Variants in ZNF100 observed in about 807,000 individuals in gnomAD.
ZNF100 encodes zinc finger protein 100.
In ZNF100, 12 loss-of-function variants were observed where a neutral mutation model predicts 15.8. That is an observed-to-expected ratio of 0.76 (90% CI 0.49 to 1.23). ZNF100 has a LOEUF of 1.23. Ranked by LOEUF, ZNF100 falls within the 50% of genes most tolerant of loss-of-function variation. The pLI, the probability that ZNF100 is intolerant of heterozygous loss-of-function variation, is 0.00. For synonymous variants in ZNF100, 226 were observed against 214.8 expected (o/e 1.05, Z -0.45); for missense variants, 670 against 635.6 (o/e 1.05, Z -0.58).
intron 2 of ZNF100, among the ~76,000 whole-genome samples, chr19:21,759,439 GCT>G (rs1308222837): frequency 2.6e-5 from 4 of 152,164 alleles, no homozygotes; most frequent in Admixed American, 6.6e-5. Flanking sequence ...ATTACACAGT[GCT>G]CTCTTTTCTT....
chr19:21,742,303 A>AC (rs1568299943), intron 4 of ZNF100, among the ~76,000 whole-genome samples: 48 of 111,128 alleles, frequency 4.3e-4, no homozygotes, highest in African/African-American at 1.8e-3. Flanking sequence ...TCCCCCACCC[A>AC]AAAAAAAAAA....
At chr19:21,743,712 G>A (rs2036159406) in intron 4 of ZNF100, among the ~76,000 whole-genome samples, 1 of 152,106 alleles carries the variant, frequency 6.6e-6, no homozygotes, top group Non-Finnish European at 1.5e-5. Flanking sequence ...TAATGGAAAA[G>A]TAGGGAGATT....
intron 2 of ZNF100, among the ~76,000 whole-genome samples, chr19:21,760,283 A>C (rs958642448): frequency 2.6e-5 from 4 of 151,756 alleles, no homozygotes; most frequent in Admixed American, 2.0e-4. Flanking sequence ...ACCTGAGGTC[A>C]GGAGTTCAAG....
At chr19:21,767,378 CA>C (rs751347239) in intron 1 of ZNF100, 48 bp downstream of exon 1, 1 of 1,609,972 alleles carries the variant, frequency 6.2e-7, no homozygotes, top group African/African-American at 1.3e-5. Context: ...CCACCAGTTC[CA>C]ACCAGCCCTT....
intron 4 of ZNF100, among the ~76,000 whole-genome samples, chr19:21,743,789 A>G (rs1235780012): frequency 1.3e-5 from 2 of 150,656 alleles, no homozygotes; most frequent in Non-Finnish European, 3.0e-5. Context: ...AAGATCACCA[A>G]AAGGAAAGTA....
At chr19:21,763,799 T>C (rs1441436509) in intron 2 of ZNF100, among the ~76,000 whole-genome samples, 1 of 152,178 alleles carries the variant, frequency 6.6e-6, no homozygotes, top group Non-Finnish European at 1.5e-5. Context: ...ACCTTCTCTC[T>C]AATCTTTTTT....
chr19:21,766,943 G>A (rs560429173), intron 1 of ZNF100, among the ~76,000 whole-genome samples: 48 of 152,292 alleles, frequency 3.2e-4, no homozygotes, highest in South Asian at 1.0e-3. Context: ...GCAGTGAGGG[G>A]AGATCGCGCC....
At chr19:21,753,743 A>T (rs1190986935) in intron 2 of ZNF100, among the ~76,000 whole-genome samples, 2 of 152,210 alleles carry the variant, frequency 1.3e-5, no homozygotes, top group Non-Finnish European at 2.9e-5. Flanking sequence ...TGTGCTCTAT[A>T]TGCATTGATC....
chr19:21,727,171 CTT>C lies in ZNF100; in HGVS notation c.1139_1140del (p.Lys380SerfsTer10). 1 of 1,612,234 alleles carries C rather than the reference CTT, an allele frequency of 6.2e-7. No individual in the cohort carries two copies. Among genetic ancestry groups the C allele is most frequent in the Non-Finnish European group, 8.5e-7 (1 of 1,178,532 alleles). ...GTAAGGTATGAGAATCGGTAAAAAGCTTTGCCACATTCTTCACATTTGTAAGG... is the reference window on the plus strand; with the variant it reads ...GTAAGGTATGAGAATCGGTAAAAAGCTGCCACATTCTTCACATTTGTAAGG... ...EKPYKCEECG[K>X]AFYRFSYLTK... On this transcript the variant is annotated frameshift_variant, in exon 5 of 5. Coordinates refer to ENST00000358296, the MANE Select transcript of ZNF100 (RefSeq NM_173531.4). LOFTEE classifies it low-confidence loss of function (END_TRUNC).
chr19:21,759,120 C>G (rs532610504), intron 2 of ZNF100, among the ~76,000 whole-genome samples: 12 of 152,314 alleles, frequency 7.9e-5, no homozygotes, highest in African/African-American at 2.9e-4. Context: ...TTGCCAGTCA[C>G]AAACCCCATA....
At chr19:21,738,984 T>C (rs112342829) in intron 4 of ZNF100, among the ~76,000 whole-genome samples, 1 of 152,138 alleles carries the variant, frequency 6.6e-6, no homozygotes, top group African/African-American at 2.4e-5. Context: ...ATGAACCAGC[T>C]CTCATTTGAA....
chr19:21,735,242 A>G (rs2035987359), intron 4 of ZNF100, among the ~76,000 whole-genome samples: 1 of 152,116 alleles, frequency 6.6e-6, no homozygotes, highest in Non-Finnish European at 1.5e-5. Context: ...TCCAATTAAT[A>G]CCAGAACTTT....
At chr19:21,730,255 G>T (rs151109356) in intron 4 of ZNF100, among the ~76,000 whole-genome samples, 1 of 151,782 alleles carries the variant, frequency 6.6e-6, no homozygotes, top group Non-Finnish European at 1.5e-5. Context: ...AAAAAAAACT[G>T]AAAGTGGCAA....
chr19:21,750,975 C>T (rs1307758149), intron 2 of ZNF100: 6 of 1,049,480 alleles, frequency 5.7e-6, no homozygotes, highest in Non-Finnish European at 8.3e-6. Flanking sequence ...GTGGCGGTAG[C>T]GCCCGCTTCT....
chr19:21,758,769 T>A (rs1202370950), intron 2 of ZNF100, among the ~76,000 whole-genome samples: 1 of 152,126 alleles, frequency 6.6e-6, no homozygotes, highest in African/African-American at 2.4e-5. Flanking sequence ...TGGATCAGAA[T>A]CCTGTGGTGA....
rs2035790502 is a variant in ZNF100, at chr19:21,726,613, G to GTTCCC, written c.*65_*69dup. ...TGCCATATTCTTCACAGTCACAGGA[G>GTTCCC]TTCCCTCCAGTATGAATTTTTTTAT... On this transcript the variant is annotated 3_prime_UTR_variant, in exon 5 of 5. Coordinates refer to ENST00000358296, the MANE Select transcript of ZNF100 (RefSeq NM_173531.4). 3 of 1,372,280 alleles carry GTTCCC rather than the reference G, an allele frequency of 2.2e-6. No homozygotes were observed. The highest frequency in any genetic ancestry group is 3.0e-6 in the Non-Finnish European group (3 of 1,001,144). The allele number at this position is 1,372,280 out of a possible 1,614,324, so 85.0% of individuals were successfully genotyped here. A position where few individuals can be genotyped will look rare whatever the true frequency, so the allele number is the denominator to read the frequency against.
At position 21,748,236 on chromosome 19, in the gene ZNF100, C is replaced by A. The variant is rs369998825; in HGVS notation, c.97-3169G>T. Among the ~76,000 whole-genome samples, 6 of 152,240 alleles carry A rather than the reference C, an allele frequency of 3.9e-5. No individual in the cohort carries two copies. In the East Asian group the frequency reaches 1.2e-3, roughly 29 times the overall value. ...TTTGGGTTGCAGGAAATTGTAAGCA[C>A]CAGCTCTAGAAAGGCAGAAGGATTT... On this transcript the variant is annotated intron_variant, in intron 2 of 4. Transcript: ENST00000358296.
intron 4 of ZNF100, among the ~76,000 whole-genome samples, chr19:21,737,816 C>A (rs1161170650): frequency 1.3e-5 from 2 of 152,132 alleles, no homozygotes; most frequent in Non-Finnish European, 2.9e-5. Context: ...AGAGCTGGCA[C>A]CATTTCTTCT....
intron 2 of ZNF100, chr19:21,746,834 A>AG (rs370686585): frequency 6.6e-6 from 1 of 151,856 alleles, no homozygotes; most frequent in African/African-American, 2.4e-5. Flanking sequence ...AGAAAAAAAA[A>AG]CATCATTTTT....
Sources: gnomAD v4.1 joint callset for allele counts (sites outside exome capture counted in the v4.1 genomes callset) on GRCh38, gnomAD v4.1.1 for gene constraint, MANE v1.5 for transcripts, NCBI Gene and HGNC (gene_info 2026-07-23, HGNC 2026-07-21) for gene names.